The following THOC7 variants were observed in gnomAD, a reference collection of about 807,000 sequenced individuals.
The protein encoded by THOC7 is THO complex subunit 7.
Under a neutral mutation model 33.1 loss-of-function variants are expected in THOC7, and 22 were observed. That is an observed-to-expected ratio of 0.66 (90% CI 0.47 to 0.95). The LOEUF (loss-of-function observed/expected upper bound fraction) is 0.95. THOC7 is among the 40% of genes least tolerant of loss of function. The probability of loss-of-function intolerance (pLI) is 0.00; values close to 1 mark genes in which losing one functional copy is unlikely to be tolerated. For missense variants in THOC7, 184 were observed against 245.3 expected, an observed-to-expected ratio of 0.75 and a Z score of 1.67; for synonymous variants, 77 against 76.8, an observed-to-expected ratio of 1.00 and a Z score of -0.01.
intron 1 of THOC7, among the ~76,000 whole-genome samples, chr3:63,845,819 T>C (rs1701880491): frequency 1.3e-5 from 2 of 152,196 alleles, no homozygotes; most frequent in African/African-American, 4.8e-5. Context: ...TCTGCCTTTT[T>C]TGTGTATAAG....
chr3:63,836,407 A>ATT (rs771675267), intron 4 of THOC7, 49 bp from the exon 5 acceptor site: 763 of 1,570,536 alleles, frequency 4.9e-4, no homozygotes, highest in Non-Finnish European at 6.2e-4. Context: ...TTGAATGTGA[A>ATT]TTATCAAAAC....
intron 1 of THOC7, among the ~76,000 whole-genome samples, chr3:63,853,550 C>T (rs1371185074): frequency 6.6e-6 from 1 of 152,154 alleles, no homozygotes; most frequent in Admixed American, 6.5e-5. Context: ...TAAAAGTATA[C>T]AAAGGAGCAC....
intron 1 of THOC7, among the ~76,000 whole-genome samples, chr3:63,844,675 G>A (rs768205387): frequency 1.3e-5 from 2 of 152,152 alleles, no homozygotes; most frequent in Admixed American, 6.5e-5. Flanking sequence ...ATAAAAGGGT[G>A]AGTTCAGCTC....
rs1409138594 is a variant in THOC7 at position 63,837,902 on chromosome 3, A to C, written c.352+74T>G. The C allele has an allele frequency of 3.7e-6, 5 of 1,365,460 alleles. No homozygotes were observed. The Admixed American group carries it at 1.2e-4, about 32-fold the overall frequency. The allele number at this position is 1,365,460 out of a possible 1,614,324, so 84.6% of individuals were successfully genotyped here. A position where few individuals can be genotyped will look rare whatever the true frequency, so the allele number is the denominator to read the frequency against. On this transcript the variant is annotated intron_variant, in intron 4 of 7. Coordinates refer to ENST00000295899, the MANE Select transcript of THOC7 (RefSeq NM_025075.4). ...TGATTCAGGCTGCAGATTTTACCTC[A>C]CAACATTAAAAACTGCATGAAAACT...
chr3:63,844,487 T>C (rs1202758873), intron 1 of THOC7, among the ~76,000 whole-genome samples: 1 of 152,220 alleles, frequency 6.6e-6, no homozygotes, highest in African/African-American at 2.4e-5. Flanking sequence ...ATGTTATCTG[T>C]CATTTTAAAA....
intron 1 of THOC7, among the ~76,000 whole-genome samples, chr3:63,843,818 G>A (rs533912081): frequency 4.6e-5 from 7 of 152,018 alleles, no homozygotes; most frequent in South Asian, 4.2e-4. Context: ...GGAGAATGGC[G>A]TGAACCCGGG....
chr3:63,840,394 C>A (rs953518840), intron 1 of THOC7, among the ~76,000 whole-genome samples: 4 of 151,950 alleles, frequency 2.6e-5, no homozygotes, highest in Admixed American at 2.0e-4. Context: ...GAGTTTGAGA[C>A]CAGCCTGACC....
chr3:63,863,813 G>A, upstream of THOC7: 1 of 1,235,188 alleles, frequency 8.1e-7, no homozygotes, highest in Non-Finnish European at 1.0e-6. Context: ...GGCGGCGGCG[G>A]CGGCGGCGGC....
At chr3:63,856,455 C>T (rs1198299359) in intron 1 of THOC7, among the ~76,000 whole-genome samples, 2 of 152,100 alleles carry the variant, frequency 1.3e-5, no homozygotes, top group African/African-American at 4.8e-5. Flanking sequence ...ATCCTATCTA[C>T]CCTGCTGTGA....
chr3:63,838,128 C>G lies in THOC7; in HGVS notation c.266-66G>C, dbSNP rs559010509. 16 of 1,427,760 alleles carry G rather than the reference C, an allele frequency of 1.1e-5. No individual in the cohort carries two copies. In the African/African-American group the frequency reaches 2.2e-4, roughly 20 times the overall value. 88.4% of individuals were successfully genotyped at this position (1,427,760 alleles called of 1,614,324 possible). On this transcript the variant is annotated intron_variant, in intron 3 of 7. Transcript: ENST00000295899. ...CAATAATCCATTTTTAATTTTAAAA[C>G]GCATTTATAAATTAACCTCTATTGG...
intron 1 of THOC7, among the ~76,000 whole-genome samples, chr3:63,844,861 A>G (rs918781857): frequency 4.6e-5 from 7 of 152,236 alleles, no homozygotes; most frequent in African/African-American, 1.7e-4. Flanking sequence ...CTGGTATTCT[A>G]TTACAGCCTT....
chr3:63,848,805 T>C (rs1332977546), intron 1 of THOC7, among the ~76,000 whole-genome samples: 1 of 152,240 alleles, frequency 6.6e-6, no homozygotes, highest in Non-Finnish European at 1.5e-5. Flanking sequence ...TTTTAATATT[T>C]TGTTTTACAG....
intron 1 of THOC7, chr3:63,863,528 G>T (rs1214523241): frequency 5.0e-6 from 6 of 1,192,988 alleles, no homozygotes; most frequent in Non-Finnish European, 6.2e-6. Flanking sequence ...CTGCCTCCGG[G>T]AGAGCGGACG....
In THOC7 at chr3:63,833,897, T is replaced by G. The variant is rs1370000268; in HGVS notation, c.*235A>C. On this transcript the variant is annotated 3_prime_UTR_variant, in exon 8 of 8. Coordinates refer to ENST00000295899, the MANE Select transcript of THOC7 (RefSeq NM_025075.4). Reference sequence around the variant, plus strand: ...CAGCTTAAAAGCATTTTATTAAGCATTTTTGGATGTTGCTTCCTACCACTT... The same window carrying G: ...CAGCTTAAAAGCATTTTATTAAGCAGTTTTGGATGTTGCTTCCTACCACTT... The G allele has an allele frequency of 2.3e-6, 1 of 435,906 alleles. No homozygotes were observed. The highest frequency in any genetic ancestry group is 2.0e-5 in the African/African-American group (1 of 49,082). The allele number at this position is 435,906 out of a possible 1,614,324, so 27.0% of individuals were successfully genotyped here. A position where few individuals can be genotyped will look rare whatever the true frequency, so the allele number is the denominator to read the frequency against.
chr3:63,846,567 C>T (rs1701902092), intron 1 of THOC7, among the ~76,000 whole-genome samples: 1 of 152,096 alleles, frequency 6.6e-6, no homozygotes, highest in Non-Finnish European at 1.5e-5. Flanking sequence ...ACCACCACGC[C>T]AGGCTAATTT....
chr3:63,842,894 AC>A (rs1163150164), intron 1 of THOC7, among the ~76,000 whole-genome samples: 3 of 150,268 alleles, frequency 2.0e-5, no homozygotes, highest in African/African-American at 4.9e-5. Flanking sequence ...CCAGCCTCCT[AC>A]CTCAGCCTCC....
At chr3:63,863,583 G>A (rs962932204) in intron 1 of THOC7, 189 bp downstream of exon 1, 23 of 1,198,020 alleles carry the variant, frequency 1.9e-5, no homozygotes, top group African/African-American at 1.9e-4. Context: ...TCTGGCGAGA[G>A]GAGGAAGGAC....
upstream of THOC7, among the ~76,000 whole-genome samples, chr3:63,864,312 G>A (rs1702334738): frequency 6.6e-6 from 1 of 151,952 alleles, no homozygotes; most frequent in Non-Finnish European, 1.5e-5. Context: ...GTTTCCCTGG[G>A]GGGTGGGGAG....
chr3:63,840,700 C>G (rs2107128803), intron 1 of THOC7, among the ~76,000 whole-genome samples: 1 of 152,288 alleles, frequency 6.6e-6, no homozygotes, highest in African/African-American at 2.4e-5. Context: ...CTTTCCTGGA[C>G]AAAATGATGC....
Sources: allele counts gnomAD v4.1 joint callset (sites outside exome capture counted in the v4.1 genomes callset), GRCh38; gene constraint gnomAD v4.1.1; transcripts MANE v1.5; gene names NCBI Gene and HGNC (gene_info 2026-07-23, HGNC 2026-07-21).